The following PTH2R variants were observed in gnomAD, a reference collection of about 807,000 sequenced individuals.
PTH2R encodes the protein parathyroid hormone 2 receptor, also known as PTH2 receptor.
In PTH2R, 59 loss-of-function variants were observed where a neutral mutation model predicts 60.3. The observed-to-expected ratio is 0.98, with a 90% CI of 0.79 to 1.22. The LOEUF (loss-of-function observed/expected upper bound fraction) is 1.22. Among genes scored for constraint, PTH2R ranks in the 50% most tolerant of loss-of-function variants. The probability of loss-of-function intolerance (pLI) is 0.00; values close to 1 mark genes in which losing one functional copy is unlikely to be tolerated. For missense variants in PTH2R, 749 were observed against 682.6 expected, an observed-to-expected ratio of 1.10 and a Z score of -1.08; for synonymous variants, 256 against 243.8, an observed-to-expected ratio of 1.05 and a Z score of -0.47.
chr2:208,490,893 T>C (rs769920712), intron 12 of PTH2R, among the ~76,000 whole-genome samples: 8 of 152,244 alleles, frequency 5.3e-5, no homozygotes, highest in African/African-American at 4.8e-5. Context: ...TGAACTCATC[T>C]GTACACTCTG....
chr2:208,433,791 A>G (rs935585123), intron 2 of PTH2R, among the ~76,000 whole-genome samples: 1 of 152,234 alleles, frequency 6.6e-6, no homozygotes, highest in Admixed American at 6.5e-5. Flanking sequence ...AAAAGAGAAA[A>G]ACGTTCTCCA....
At chr2:208,369,496 G>T (rs1322073323) in intron 1 of PTH2R, among the ~76,000 whole-genome samples, 4 of 151,706 alleles carry the variant, frequency 2.6e-5, no homozygotes, top group Non-Finnish European at 5.9e-5. Context: ...CTCCCGAGTA[G>T]CTGGGAGTAC....
chr2:208,360,760 C>T (rs1291686826), intron 1 of PTH2R: 1 of 154,108 alleles, frequency 6.5e-6, no homozygotes, highest in East Asian at 1.9e-4. Flanking sequence ...GTGGCTGACC[C>T]AGGCCGTGAG....
chr2:208,423,259 C>T (rs1484630975), intron 1 of PTH2R, among the ~76,000 whole-genome samples: 1 of 152,036 alleles, frequency 6.6e-6, no homozygotes, highest in Non-Finnish European at 1.5e-5. Context: ...TGCTTTAGGT[C>T]TGTCCCACAA....
intron 4 of PTH2R, among the ~76,000 whole-genome samples, chr2:208,438,789 C>A (rs976045505): frequency 6.6e-6 from 1 of 152,228 alleles, no homozygotes; most frequent in East Asian, 1.9e-4. Flanking sequence ...GGGGGGAGAA[C>A]AGCAGCAAGA....
intron 1 of PTH2R, among the ~76,000 whole-genome samples, chr2:208,379,447 AT>A (rs1236361495): frequency 6.6e-6 from 1 of 152,190 alleles, no homozygotes; most frequent in African/African-American, 2.4e-5. Context: ...TGATAAAAAA[AT>A]AAAAATGGAA....
At chr2:208,481,423 C>G (rs1485778726) in intron 10 of PTH2R, among the ~76,000 whole-genome samples, 1 of 152,116 alleles carries the variant, frequency 6.6e-6, no homozygotes, top group Admixed American at 6.5e-5. Context: ...GTTGGCCAGG[C>G]TGGTCTCAAA....
intron 8 of PTH2R, among the ~76,000 whole-genome samples, chr2:208,451,357 C>T (rs1702405112): frequency 6.6e-6 from 1 of 152,126 alleles, no homozygotes; most frequent in Non-Finnish European, 1.5e-5. Flanking sequence ...CTGAATTAGC[C>T]TGCAGAGAAG....
chr2:208,484,458 A>G (rs1703228200), intron 10 of PTH2R, among the ~76,000 whole-genome samples: 1 of 152,228 alleles, frequency 6.6e-6, no homozygotes, highest in Admixed American at 6.5e-5. Flanking sequence ...ACAGTTTACA[A>G]TCATTTACCC....
chr2:208,477,980 C>T (rs1259701), intron 9 of PTH2R, among the ~76,000 whole-genome samples: 27,633 of 64,208 alleles, frequency 0.43, 4,392 homozygotes, highest in African/African-American at 0.58. Context: ...GTACTACTAG[C>T]ACTACTACTA....
intron 1 of PTH2R, among the ~76,000 whole-genome samples, chr2:208,424,377 C>A (rs775577684): frequency 1.3e-5 from 2 of 152,174 alleles, no homozygotes; most frequent in Non-Finnish European, 2.9e-5. Flanking sequence ...GTGTTGCTAG[C>A]TGTCCTTGTG....
At chr2:208,392,840 G>T (rs764172493) in intron 1 of PTH2R, among the ~76,000 whole-genome samples, 1 of 152,138 alleles carries the variant, frequency 6.6e-6, no homozygotes, top group Non-Finnish European at 1.5e-5. Context: ...AGACTGAGCC[G>T]CTGGAATGGG....
chr2:208,465,429 G>C (rs1008037043), intron 9 of PTH2R, among the ~76,000 whole-genome samples: 6 of 79,604 alleles, frequency 7.5e-5, no homozygotes, highest in African/African-American at 3.1e-4. Context: ...TTGTGATGGA[G>C]TCTCACTCTG....
intron 1 of PTH2R, among the ~76,000 whole-genome samples, chr2:208,401,722 C>A (rs1701313620): frequency 6.6e-6 from 1 of 152,146 alleles, no homozygotes; most frequent in Non-Finnish European, 1.5e-5. Flanking sequence ...TCACACACAG[C>A]CCTTCTTCAC....
In PTH2R at chr2:208,407,107, G is replaced by A. The variant is rs1701430591; in HGVS notation, c.64G>A (p.Ala22Thr). The change falls in exon 1 of 13, where the codon GCC becomes ACC. Residue 22 changes from alanine to threonine, a missense_variant. Ala to Thr is a moderately conservative substitution (Grantham distance 58). Coordinates refer to ENST00000272847, the MANE Select transcript of PTH2R (RefSeq NM_005048.4). Reference protein sequence around the residue: ...GWLMLGSCLLARAQLDSDGTI... With the variant: ...GWLMLGSCLLTRAQLDSDGTI... Reference sequence around the variant, plus strand: ...GCTAATGCTCGGCAGCTGCCTCCTGGCCAGAGCCCAGGTAAGAGCCAGTGC... The same window carrying A: ...GCTAATGCTCGGCAGCTGCCTCCTGACCAGAGCCCAGGTAAGAGCCAGTGC... 1.4e-6 allele frequency: 2 copies of A among 1,397,548 alleles called. No individual in the cohort carries two copies. The highest frequency in any genetic ancestry group is 9.4e-7 in the Non-Finnish European group (1 of 1,068,952). 86.6% of individuals were successfully genotyped at this position (1,397,548 alleles called of 1,614,324 possible).
intron 1 of PTH2R, among the ~76,000 whole-genome samples, chr2:208,366,109 C>T (rs2125866804): frequency 6.7e-6 from 1 of 149,468 alleles, no homozygotes; most frequent in South Asian, 2.1e-4. Flanking sequence ...CATGAGCCAC[C>T]ACGTCTGGCC....
chr2:208,453,333 T>C (rs980491707), intron 8 of PTH2R, among the ~76,000 whole-genome samples: 1 of 152,234 alleles, frequency 6.6e-6, no homozygotes, highest in Non-Finnish European at 1.5e-5. Context: ...TAAATATATC[T>C]GCATTTCATG....
At chr2:208,490,734 A>G (rs1703386157) in intron 12 of PTH2R, 54 bp downstream of exon 12, 1 of 1,508,910 alleles carries the variant, frequency 6.6e-7, no homozygotes, top group African/African-American at 1.4e-5. Flanking sequence ...AATGGCCATC[A>G]CAATGTATCC....
chr2:208,428,951 G>A lies in PTH2R; in HGVS notation c.178+648G>A, dbSNP rs141285262. ...AATGCAAAAATTAGCTGGGCGTGGTGGCGCATGCCTGTAATCCCAGCTACT... is the reference window on the plus strand; with the variant it reads ...AATGCAAAAATTAGCTGGGCGTGGTAGCGCATGCCTGTAATCCCAGCTACT... On this transcript the variant is annotated intron_variant, in intron 2 of 12. Transcript: ENST00000272847. 8.4e-3 allele frequency among the ~76,000 whole-genome samples: 1,282 copies of A among 152,178 alleles called. 24 individuals are homozygous for A. The highest frequency in any genetic ancestry group is 0.029 in the African/African-American group (1,204 of 41,502).
Sources: allele counts gnomAD v4.1 joint callset (sites outside exome capture counted in the v4.1 genomes callset), GRCh38; gene constraint gnomAD v4.1.1; transcripts MANE v1.5; gene names NCBI Gene and HGNC (gene_info 2026-07-23, HGNC 2026-07-21).